Variants in DAB2IP observed in about 807,000 individuals in gnomAD.
DAB2IP encodes the protein DAB2 interacting protein.
In DAB2IP, 28 loss-of-function variants were observed where a neutral mutation model predicts 107.2. The observed-to-expected ratio is 0.26, with a 90% CI of 0.19 to 0.36. The LOEUF is 0.36. Ranked by LOEUF, DAB2IP falls within the 10% of genes least tolerant of loss-of-function variation. The pLI is 1.00. For missense variants in DAB2IP, 1,400 were observed against 1,644.7 expected (o/e 0.85, Z 2.57); for synonymous variants, 755 against 706.4 (o/e 1.07, Z -1.09).
chr9:121,748,733 G>T (rs1832890251), intron 3 of DAB2IP, among the ~76,000 whole-genome samples: 1 of 152,200 alleles, frequency 6.6e-6, no homozygotes, highest in African/African-American at 2.4e-5. Context: ...CATTTAGTCA[G>T]CCTATATTGG....
chr9:121,744,168 G>T (rs1202031406), intron 3 of DAB2IP, among the ~76,000 whole-genome samples: 2 of 152,154 alleles, frequency 1.3e-5, no homozygotes, highest in Non-Finnish European at 2.9e-5. Flanking sequence ...GGGTTTGGGG[G>T]CCATGGTATC....
intron 1 of DAB2IP, among the ~76,000 whole-genome samples, chr9:121,641,872 T>TCC (rs1832301640): frequency 1.4e-5 from 2 of 138,710 alleles, no homozygotes; most frequent in Admixed American, 7.2e-5. Flanking sequence ...TTTCTTTCTT[T>TCC]CTTTCTGTCC....
chr9:121,737,254 G>T (rs1407354117), intron 3 of DAB2IP: 38 of 985,326 alleles, frequency 3.9e-5, no homozygotes, highest in Non-Finnish European at 4.8e-6. Flanking sequence ...TTGCTTTCAG[G>T]AGTGTTTCTC....
At chr9:121,595,602 C>A (rs1233645179) in intron 1 of DAB2IP, among the ~76,000 whole-genome samples, 175 of 133,200 alleles carry the variant, frequency 1.3e-3, no homozygotes, top group Middle Eastern at 4.1e-3. Context: ...GGTGCTGTCT[C>A]AAAAAAAAAA....
intron 1 of DAB2IP, among the ~76,000 whole-genome samples, chr9:121,625,466 T>C (rs1216105153): frequency 6.6e-6 from 1 of 152,060 alleles, no homozygotes; most frequent in Admixed American, 6.5e-5. Flanking sequence ...TTTGCTATGT[T>C]AGCCAGGCTG....
intron 13 of DAB2IP, among the ~76,000 whole-genome samples, chr9:121,774,883 C>T (rs1835082416): frequency 6.6e-6 from 1 of 152,150 alleles, no homozygotes; most frequent in South Asian, 2.1e-4. Flanking sequence ...TGCCCACGGC[C>T]TGGCTCTTCA....
chr9:121,766,851 T>C, intron 9 of DAB2IP, 121 bp downstream of exon 9: 1 of 981,722 alleles, frequency 1.0e-6, no homozygotes. Context: ...GTTTTGTCCC[T>C]GTCATCCTCA....
Position 121,651,693 on chromosome 9 carries a change from G to A in DAB2IP, c.-83G>A. On this transcript the variant is annotated 5_prime_UTR_variant, in exon 1 of 16. Transcript: ENST00000408936. The surrounding 1 kb of genome is among the most constrained non-coding windows in gnomAD (Gnocchi z 5.1). Reference sequence around the variant, plus strand: ...TCGGGCGAGCGCGGGAGAACGCGTGGGCGCCCGCCGGGCTGTCCGGAGCGG... The same window carrying A: ...TCGGGCGAGCGCGGGAGAACGCGTGAGCGCCCGCCGGGCTGTCCGGAGCGG... 8.8e-7 allele frequency: 1 copy of A among 1,131,838 alleles called. No homozygotes were observed. Among genetic ancestry groups the A allele is most frequent in the Non-Finnish European group, 1.1e-6 (1 of 924,978 alleles). 70.1% of individuals were successfully genotyped at this position (1,131,838 alleles called of 1,614,324 possible).
chr9:121,741,516 C>T lies in DAB2IP; in HGVS notation c.363-15497C>T, dbSNP rs752290471. Reference sequence around the variant, plus strand: ...CTTGCTTAGTCTGGGCTTGGGTAGCCGAGACAGGTTGTTTTCAGGCCTCAA... The same window carrying T: ...CTTGCTTAGTCTGGGCTTGGGTAGCTGAGACAGGTTGTTTTCAGGCCTCAA... On this transcript the variant is annotated intron_variant, in intron 3 of 15. Transcript: ENST00000408936. Among the ~76,000 whole-genome samples, 8 of 152,078 alleles carry T rather than the reference C, an allele frequency of 5.3e-5. No homozygotes were observed. In the South Asian group the frequency reaches 8.3e-4, roughly 16 times the overall value.
intron 3 of DAB2IP, among the ~76,000 whole-genome samples, chr9:121,722,419 C>A (rs1464420476): frequency 6.6e-6 from 1 of 152,172 alleles, no homozygotes; most frequent in African/African-American, 2.4e-5. Context: ...ATGACTCCTC[C>A]CTTTTTCTCA....
chr9:121,735,118 ACTT>A (rs1831803302), intron 3 of DAB2IP, among the ~76,000 whole-genome samples: 3 of 152,138 alleles, frequency 2.0e-5, no homozygotes, highest in Admixed American at 1.3e-4. Context: ...CTGAGGGAAA[ACTT>A]CTCAGAAGGA....
At position 121,633,921 on chromosome 9, in the gene DAB2IP, G is replaced by T. The variant is rs912773896; in HGVS notation, c.41-44757G>T. ...TCTTGGAGTCCTATTCAAAGGCTTG[G>T]CCCAGATGCCACCTCCTCTGTGAAG... On this transcript the variant is annotated intron_variant, in intron 1 of 16. Coordinates refer to the DAB2IP transcript ENST00000259371. The surrounding 1 kb of genome is among the most constrained non-coding windows in gnomAD (Gnocchi z 5.1). 6.6e-6 allele frequency among the ~76,000 whole-genome samples: 1 copy of T among 152,178 alleles called. No individual in the cohort carries two copies. The highest frequency in any genetic ancestry group is 6.5e-5 in the Admixed American group (1 of 15,278).
intron 1 of DAB2IP, among the ~76,000 whole-genome samples, chr9:121,580,335 G>A (rs1271768074): frequency 2.0e-5 from 3 of 152,226 alleles, no homozygotes; most frequent in Admixed American, 6.5e-5. Context: ...CCAGGGTGGA[G>A]AGACCTCTAG....
chr9:121,690,829 G>A (rs1829125294), intron 2 of DAB2IP, among the ~76,000 whole-genome samples: 1 of 152,164 alleles, frequency 6.6e-6, no homozygotes, highest in Non-Finnish European at 1.5e-5. Context: ...CCAGGCTCAG[G>A]TGGTGGTGTA....
chr9:121,734,419 C>T (rs1020656132), intron 3 of DAB2IP, among the ~76,000 whole-genome samples: 8 of 151,846 alleles, frequency 5.3e-5, no homozygotes, highest in Middle Eastern at 3.4e-3. Flanking sequence ...CTGAAAGGAG[C>T]CTGCAAGCGG....
chr9:121,677,571 C>T (rs2119133164), intron 1 of DAB2IP, among the ~76,000 whole-genome samples: 1 of 152,278 alleles, frequency 6.6e-6, no homozygotes, highest in Non-Finnish European at 1.5e-5. Context: ...AGTGTGGCAT[C>T]CCAGGAGATG....
At chr9:121,785,139 T>A (rs1330708052) in exon 16 of DAB2IP, 1 of 152,656 alleles carries the variant, frequency 6.6e-6, no homozygotes, top group East Asian at 1.9e-4. Flanking sequence ...GAGGACTCTT[T>A]CCGACTGCCC....
rs1052117509 is a variant in DAB2IP, at chr9:121,585,313, C to A, written c.40+18085C>A. Among the ~76,000 whole-genome samples, 3 of 152,184 alleles carry A rather than the reference C, an allele frequency of 2.0e-5. No homozygotes were observed. In the East Asian group the frequency reaches 5.8e-4, roughly 29 times the overall value. On this transcript the variant is annotated intron_variant, in intron 1 of 16. Coordinates refer to the DAB2IP transcript ENST00000259371. ...ATAGGAACTTGGGGAAGGTTCAAAT[C>A]CCAGCTCTGTCCCTTACTAGATAGA...
chr9:121,638,512 G>A (rs1832166977), intron 1 of DAB2IP, among the ~76,000 whole-genome samples: 1 of 152,216 alleles, frequency 6.6e-6, no homozygotes, highest in Non-Finnish European at 1.5e-5. Context: ...GGGCTGTGGA[G>A]GAGGCGGTGA....
Sources: gnomAD v4.1 joint callset for allele counts (sites outside exome capture counted in the v4.1 genomes callset) on GRCh38, gnomAD v4.1.1 for gene constraint, Gnocchi (gnomAD v3.1) non-coding constraint, MANE v1.5 for transcripts, NCBI Gene and HGNC (gene_info 2026-07-23, HGNC 2026-07-21) for gene names.